Variants in ZNF239 observed in about 807,000 individuals in gnomAD.
The protein encoded by ZNF239 is zinc finger protein 239, also known as zinc finger protein (C2H2) homologous to mouse MOK-2.
In ZNF239, 16 loss-of-function variants were observed where a neutral mutation model predicts 27.5. That is an observed-to-expected ratio of 0.58 (90% confidence interval 0.39 to 0.88). The LOEUF (loss-of-function observed/expected upper bound fraction) is 0.88. ZNF239 is among the 40% of genes least tolerant of loss of function. The pLI, the probability that ZNF239 is intolerant of heterozygous loss-of-function variation, is 0.00. For synonymous variants in ZNF239, 199 were observed against 192.6 expected (o/e 1.03, Z -0.27); for missense variants, 527 against 551.9 (o/e 0.95, Z 0.45).
intron 3 of ZNF239, among the ~76,000 whole-genome samples, chr10:43,560,569 T>C (rs1837154637): frequency 6.9e-6 from 1 of 143,886 alleles, no homozygotes; most frequent in African/African-American, 2.6e-5. Context: ...CCCTTGCCCA[T>C]GTATCCAGCT....
rs1032580729 is a variant in ZNF239 at position 43,557,223 on chromosome 10, G to C, written c.857C>G (p.Thr286Arg). Residue 286 changes from threonine (T) to arginine (R), a missense_variant, in exon 4 of 4, where the codon ACA (threonine) becomes AGA (arginine). Physicochemically the swap from Thr to Arg is moderately conservative, Grantham distance 71. Coordinates refer to ENST00000374446, the MANE Select transcript of ZNF239 (RefSeq NM_001099282.2). Reference protein sequence around the residue: ...SSLLIHHAVHTGEKPYKCDKC... With the variant: ...SSLLIHHAVHRGEKPYKCDKC... ...GTCACATTTATAAGGTTTTTCGCCT[G>C]TATGGACGGCATGATGGATGAGCAG... The C allele has an allele frequency of 1.9e-6, 3 of 1,613,944 alleles. No homozygotes were observed. Among genetic ancestry groups the C allele is most frequent in the Non-Finnish European group, 2.5e-6 (3 of 1,179,960 alleles).
intron 2 of ZNF239, among the ~76,000 whole-genome samples, chr10:43,572,390 T>C (rs774640781): frequency 7.9e-5 from 12 of 152,214 alleles, no homozygotes; most frequent in South Asian, 2.1e-4. Context: ...AAACAGATTT[T>C]TTCTAAGAGC....
chr10:43,561,845 C>T (rs1018802709), intron 3 of ZNF239, among the ~76,000 whole-genome samples: 1 of 151,866 alleles, frequency 6.6e-6, no homozygotes, highest in Non-Finnish European at 1.5e-5. Context: ...ACCCCCAAAC[C>T]CCAAAACCAT....
At chr10:43,570,847 T>C in intron 2 of ZNF239, 2 of 985,208 alleles carry the variant, frequency 2.0e-6, no homozygotes, top group Non-Finnish European at 2.4e-6. Context: ...GTCCTCAAGA[T>C]AAAATGGCAG....
rs531806140 is a variant in ZNF239 at position 43,557,675 on chromosome 10, C to T, written c.405G>A (p.Glu135=). ...TTAACTGGCCATTCTGGCAAGTTGC[C>T]TCACCATTTAACAATGGCGAGGCCA... is the stretch of plus-strand genomic sequence containing the variant. ...QELASPLLNG[E]ATCQNGQLKE... Residue 135 remains glutamate (E), a synonymous_variant, in exon 4 of 4, where the codon GAG becomes GAA. Transcript: ENST00000374446. 2.7e-5 allele frequency: 43 copies of T among 1,614,068 alleles called. No individual in the cohort carries two copies. The highest frequency in any genetic ancestry group is 3.4e-5 in the Non-Finnish European group (40 of 1,180,056).
intron 3 of ZNF239, among the ~76,000 whole-genome samples, chr10:43,565,235 C>T (rs1837548350): frequency 6.6e-6 from 1 of 152,106 alleles, no homozygotes; most frequent in Non-Finnish European, 1.5e-5. Context: ...AGGCACCCGC[C>T]ACCACGCCCA....
chr10:43,569,325 C>A (rs1010342833), intron 2 of ZNF239, among the ~76,000 whole-genome samples: 2 of 152,188 alleles, frequency 1.3e-5, no homozygotes, highest in Middle Eastern at 3.2e-3. Flanking sequence ...CCTGCTCCCC[C>A]AAACATGAGT....
chr10:43,565,293 A>G (rs868557237), intron 3 of ZNF239, among the ~76,000 whole-genome samples: 48 of 152,100 alleles, frequency 3.2e-4, no homozygotes, highest in African/African-American at 9.9e-4. Flanking sequence ...CATGTTGGCC[A>G]GGCTGGTCTC....
At position 43,570,808 on chromosome 10, in the gene ZNF239, T is replaced by A. The variant is rs537697784; in HGVS notation, c.-215-2787A>T. 39 of 975,576 alleles carry A rather than the reference T, an allele frequency of 4.0e-5. 1 individual carries two copies. The African/African-American group carries it at 5.6e-4, about 14-fold the overall frequency. 60.4% of individuals were successfully genotyped at this position (975,576 alleles called of 1,614,324 possible). ...TTTTGTCATCTTCCAGTCCCTAGGTTAGACAACCAGAGTTATTAATTTTTT... is the reference window on the plus strand; with the variant it reads ...TTTTGTCATCTTCCAGTCCCTAGGTAAGACAACCAGAGTTATTAATTTTTT... On this transcript the variant is annotated intron_variant, in intron 2 of 3. Coordinates refer to ENST00000374446, the MANE Select transcript of ZNF239 (RefSeq NM_001099282.2).
At chr10:43,566,043 G>T (rs975570728) in intron 3 of ZNF239, among the ~76,000 whole-genome samples, 1 of 152,136 alleles carries the variant, frequency 6.6e-6, no homozygotes, top group Non-Finnish European at 1.5e-5. Context: ...CAAAAGTTCA[G>T]TAGTGACTTC....
chr10:43,566,951 G>A (rs1837695787), intron 3 of ZNF239, among the ~76,000 whole-genome samples: 1 of 152,192 alleles, frequency 6.6e-6, no homozygotes, highest in South Asian at 2.1e-4. Flanking sequence ...TTATCTGGCC[G>A]GGTGTGGTGG....
At position 43,570,318 on chromosome 10, in the gene ZNF239, G is replaced by A. The variant is rs12217254; in HGVS notation, c.-215-2297C>T. 543 of 985,182 alleles carry A rather than the reference G, an allele frequency of 5.5e-4. 14 individuals carry two copies. The East Asian group carries it at 0.047, about 84-fold the overall frequency. 61.0% of individuals were successfully genotyped at this position (985,182 alleles called of 1,614,324 possible). Reference sequence around the variant, plus strand: ...AGGCTCAAGCCCCGGAGTAAAGGTGGGACAAACAAACAGAAGCAAAGGTTG... The same window carrying A: ...AGGCTCAAGCCCCGGAGTAAAGGTGAGACAAACAAACAGAAGCAAAGGTTG... On this transcript the variant is annotated intron_variant, in intron 2 of 3. Transcript: ENST00000374446.
At chr10:43,569,181 C>A (rs1363322805) in intron 2 of ZNF239, among the ~76,000 whole-genome samples, 1 of 152,144 alleles carries the variant, frequency 6.6e-6, no homozygotes, top group Non-Finnish European at 1.5e-5. Context: ...TCACATCTCA[C>A]CTATCACCCA....
In ZNF239 at chr10:43,557,943, C is replaced by T; in HGVS notation, c.137G>A (p.Ser46Asn). 1.2e-6 allele frequency: 2 copies of T among 1,614,192 alleles called. No homozygotes were observed. Among genetic ancestry groups the T allele is most frequent in the Non-Finnish European group, 1.7e-6 (2 of 1,180,028 alleles). Reference sequence around the variant, plus strand: ...ACAACCACTTTGAAGAGTCATCACACTGTCCCTGTTTCTGGAAATAGGAGA... The same window carrying T: ...ACAACCACTTTGAAGAGTCATCACATTGTCCCTGTTTCTGGAAATAGGAGA... ...ASSPISRNRD[S>N]VMTLQSGCFE... The change falls in exon 4 of 4, where the codon AGT becomes AAT. Residue 46 changes from serine to asparagine, a missense_variant. By Grantham distance (46) the Ser-to-Asn change is conservative (BLOSUM62 1). Coordinates refer to ENST00000374446, the MANE Select transcript of ZNF239 (RefSeq NM_001099282.2).
intron 2 of ZNF239, chr10:43,568,568 GA>G (rs1481239653): frequency 9.3e-6 from 5 of 539,366 alleles, no homozygotes; most frequent in Non-Finnish European, 1.2e-5. Flanking sequence ...CTAAGTAGTT[GA>G]ACATTACTGG....
chr10:43,563,571 T>C (rs1837421871), intron 3 of ZNF239, among the ~76,000 whole-genome samples: 1 of 152,186 alleles, frequency 6.6e-6, no homozygotes. Flanking sequence ...TTGTTTGAGT[T>C]TTTGAGACTT....
chr10:43,571,672 C>T (rs548769902), intron 2 of ZNF239, among the ~76,000 whole-genome samples: 3 of 152,200 alleles, frequency 2.0e-5, no homozygotes, highest in Middle Eastern at 3.4e-3. Flanking sequence ...GATTCTCCTG[C>T]CTCAGCCTCC....
chr10:43,561,335 A>AAACAAACG (rs1837236833), intron 3 of ZNF239, among the ~76,000 whole-genome samples: 1 of 25,582 alleles, frequency 3.9e-5, no homozygotes, highest in Admixed American at 6.3e-4. Context: ...TTCAAGGAAA[A>AAACAAACG]AACAAACAAA....
intron 3 of ZNF239, among the ~76,000 whole-genome samples, chr10:43,565,687 C>T (rs554175012): frequency 4.6e-5 from 7 of 151,664 alleles, no homozygotes; most frequent in South Asian, 4.2e-4. Context: ...TGGTGGCACG[C>T]GCCTGTAGTC....
Sources: gnomAD v4.1 joint callset for allele counts (sites outside exome capture counted in the v4.1 genomes callset) on GRCh38, gnomAD v4.1.1 for gene constraint, MANE v1.5 for transcripts, NCBI Gene and HGNC (gene_info 2026-07-23, HGNC 2026-07-21) for gene names.